The following PARD3 variants were observed in gnomAD, a reference collection of about 807,000 sequenced individuals.
The protein encoded by PARD3 is partitioning defective 3 homolog.
Under a neutral mutation model 155.4 loss-of-function variants are expected in PARD3, and 75 were observed. That is an observed-to-expected ratio of 0.48 (90% confidence interval 0.40 to 0.58). PARD3 has a LOEUF of 0.58. Among genes scored for constraint, PARD3 ranks in the 20% least tolerant of loss-of-function variants. The probability of loss-of-function intolerance (pLI) is 0.00; values close to 1 mark genes in which losing one functional copy is unlikely to be tolerated. For missense variants in PARD3, 1,642 were observed against 1,721.7 expected (o/e 0.95, Z 0.82); for synonymous variants, 576 against 610.5 (o/e 0.94, Z 0.83).
chr10:34,653,634 A>G (rs999516145), intron 2 of PARD3, among the ~76,000 whole-genome samples: 4 of 152,158 alleles, frequency 2.6e-5, no homozygotes, highest in Non-Finnish European at 5.9e-5. Context: ...AATGCATTTG[A>G]AACTGCCAGG....
chr10:34,725,036 T>C (rs2094676837), intron 1 of PARD3, among the ~76,000 whole-genome samples: 1 of 151,960 alleles, frequency 6.6e-6, no homozygotes, highest in South Asian at 2.1e-4. Flanking sequence ...GTTTCCCTCA[T>C]CTGAGAAATG....
intron 3 of PARD3, among the ~76,000 whole-genome samples, chr10:34,497,535 A>C (rs1262596709): frequency 1.3e-5 from 2 of 152,210 alleles, no homozygotes; most frequent in Non-Finnish European, 2.9e-5. Context: ...TATTTTTTTA[A>C]AGAAAAGCTG....
At chr10:34,158,700 G>T (rs1314739146) in intron 22 of PARD3, among the ~76,000 whole-genome samples, 1 of 152,220 alleles carries the variant, frequency 6.6e-6, no homozygotes, top group Non-Finnish European at 1.5e-5. Flanking sequence ...CATGATGGAA[G>T]TGTTCCATAT....
At chr10:34,324,958 T>A (rs1958598318) in intron 19 of PARD3, among the ~76,000 whole-genome samples, 1 of 152,154 alleles carries the variant, frequency 6.6e-6, no homozygotes, top group Admixed American at 6.6e-5. Context: ...CAGAGTCCCA[T>A]CATATTATTT....
At chr10:34,734,382 C>A (rs891802413) in intron 1 of PARD3, among the ~76,000 whole-genome samples, 8 of 115,422 alleles carry the variant, frequency 6.9e-5, no homozygotes, top group African/African-American at 2.6e-4. Flanking sequence ...GTCGCCCAGG[C>A]TGGAGTGCAG....
At chr10:34,657,885 G>A (rs1214884198) in intron 2 of PARD3, among the ~76,000 whole-genome samples, 3 of 150,488 alleles carry the variant, frequency 2.0e-5, no homozygotes, top group Admixed American at 1.3e-4. Flanking sequence ...GGTGGCTCAC[G>A]CCTATAATCC....
chr10:34,125,689 C>G (rs1475272072), intron 23 of PARD3, among the ~76,000 whole-genome samples: 1 of 152,088 alleles, frequency 6.6e-6, no homozygotes, highest in Non-Finnish European at 1.5e-5. Flanking sequence ...GAGAAAAGGA[C>G]AGATTTTGTT....
chr10:34,180,426 T>C (rs1423415801), intron 22 of PARD3, among the ~76,000 whole-genome samples: 1 of 152,130 alleles, frequency 6.6e-6, no homozygotes, highest in South Asian at 2.1e-4. Flanking sequence ...AGGATAGCAA[T>C]AATGGAGGCG....
intron 20 of PARD3, among the ~76,000 whole-genome samples, chr10:34,297,247 G>A (rs1956951698): frequency 6.6e-6 from 1 of 152,130 alleles, no homozygotes; most frequent in South Asian, 2.1e-4. Flanking sequence ...AGGCTGTGAT[G>A]AGTTATGATC....
intron 12 of PARD3, among the ~76,000 whole-genome samples, chr10:34,367,556 T>A (rs1419187835): frequency 6.6e-6 from 1 of 151,880 alleles, no homozygotes; most frequent in Non-Finnish European, 1.5e-5. Flanking sequence ...ATACAAAAAT[T>A]AGCTGTGTGT....
chr10:34,658,646 C>T (rs1193232949), intron 2 of PARD3, among the ~76,000 whole-genome samples: 2 of 152,104 alleles, frequency 1.3e-5, no homozygotes, highest in Non-Finnish European at 2.9e-5. Flanking sequence ...GAAGGAACTG[C>T]CAATTAATGA....
chr10:34,501,737 C>CAA (rs987839394), intron 3 of PARD3, among the ~76,000 whole-genome samples: 1 of 143,166 alleles, frequency 7.0e-6, no homozygotes, highest in Non-Finnish European at 1.5e-5. Flanking sequence ...TCCTCCCCGC[C>CAA]AAAAAAAAAA....
chr10:34,254,572 GTGTGTGTA>G (rs1404892450), intron 22 of PARD3, among the ~76,000 whole-genome samples: 2 of 113,318 alleles, frequency 1.8e-5, no homozygotes, highest in African/African-American at 3.3e-5. Context: ...GTGTGTGTGT[GTGTGTGTA>G]TAAAAATTTA....
chr10:34,687,820 C>G (rs1252130717), intron 2 of PARD3, among the ~76,000 whole-genome samples: 1 of 147,024 alleles, frequency 6.8e-6, no homozygotes, highest in Non-Finnish European at 1.5e-5. Context: ...ACTGACTCCA[C>G]ATGCCCGGTC....
At chr10:34,755,327 G>A (rs1009609212) in intron 1 of PARD3, among the ~76,000 whole-genome samples, 1 of 151,942 alleles carries the variant, frequency 6.6e-6, no homozygotes, top group Non-Finnish European at 1.5e-5. Flanking sequence ...CAGGAAAATC[G>A]CTTGAGCCAG....
At chr10:34,616,794 G>T (rs949903967) in intron 2 of PARD3, among the ~76,000 whole-genome samples, 1 of 151,950 alleles carries the variant, frequency 6.6e-6, no homozygotes, top group Non-Finnish European at 1.5e-5. Context: ...CAAAAGCCAG[G>T]TATGGTGGCA....
chr10:34,657,750 G>C (rs1011867261), intron 2 of PARD3, among the ~76,000 whole-genome samples: 2 of 152,026 alleles, frequency 1.3e-5, no homozygotes, highest in African/African-American at 4.8e-5. Context: ...TGTTGGCCAA[G>C]CTGGTCTCAA....
intron 3 of PARD3, chr10:34,488,971 T>C (rs2079679941): frequency 1.3e-5 from 2 of 152,916 alleles, no homozygotes; most frequent in Admixed American, 6.5e-5. Flanking sequence ...CAGCATGCCA[T>C]GCGCATGGCC....
At chr10:34,475,082 C>A (rs1355793226) in intron 3 of PARD3, among the ~76,000 whole-genome samples, 5 of 152,142 alleles carry the variant, frequency 3.3e-5, no homozygotes, top group Non-Finnish European at 7.3e-5. Context: ...GGCCCTTTCA[C>A]ACTCTAAAAA....
Sources: gnomAD v4.1 joint callset for allele counts (sites outside exome capture counted in the v4.1 genomes callset) on GRCh38, gnomAD v4.1.1 for gene constraint, MANE v1.5 for transcripts, NCBI Gene and HGNC (gene_info 2026-07-23, HGNC 2026-07-21) for gene names.